The following PCDHGA2 variants were observed in gnomAD, a reference collection of about 807,000 sequenced individuals.
The protein encoded by PCDHGA2 is protocadherin gamma-A2.
In PCDHGA2, 40 loss-of-function variants were observed where a neutral mutation model predicts 59.2. The ratio of observed to expected loss-of-function variants is 0.68; its 90% CI spans 0.52 to 0.88. The LOEUF is 0.88. PCDHGA2 is among the 40% of genes least tolerant of loss of function. The pLI is 0.00. For synonymous variants in PCDHGA2, 560 were observed against 526.0 expected, an observed-to-expected ratio of 1.06 and a Z score of -0.89; for missense variants, 1,226 against 1,204.0, an observed-to-expected ratio of 1.02 and a Z score of -0.27.
intron 1 of PCDHGA2, chr5:141,374,852 G>A (rs1770895051): frequency 5.0e-6 from 8 of 1,613,798 alleles, no homozygotes; most frequent in Non-Finnish European, 4.2e-6. Flanking sequence ...AAACCTGCCA[G>A]TAGGCACACC....
At chr5:141,366,768 G>A (rs903318821) in intron 1 of PCDHGA2, 26 of 1,601,610 alleles carry the variant, frequency 1.6e-5, no homozygotes, top group Non-Finnish European at 2.0e-5. Flanking sequence ...TTTCTCTTTC[G>A]GTAAGGATGA....
rs150714552 is a variant in PCDHGA2, at chr5:141,473,285, G to A, written c.2425-21522G>A. On this transcript the variant is annotated intron_variant, in intron 1 of 3. Transcript: ENST00000394576. ...GTGTATGCTATGATTATTTTACTATGTCAGTAGCATAAAGATTGCTATATT... is the reference window on the plus strand; with the variant it reads ...GTGTATGCTATGATTATTTTACTATATCAGTAGCATAAAGATTGCTATATT... 3.9e-3 allele frequency among the ~76,000 whole-genome samples: 590 copies of A among 152,296 alleles called. 6 individuals are homozygous for A. Among genetic ancestry groups the A allele is most frequent in the Admixed American group, 0.011 (170 of 15,296 alleles).
intron 1 of PCDHGA2, chr5:141,389,880 T>C: frequency 6.2e-7 from 1 of 1,614,080 alleles, no homozygotes; most frequent in Non-Finnish European, 8.5e-7. Flanking sequence ...CGCCGACAGC[T>C]TGCAGGAGGT....
At chr5:141,360,594 A>G in intron 1 of PCDHGA2, 1 of 1,614,032 alleles carries the variant, frequency 6.2e-7, no homozygotes, top group Non-Finnish European at 8.5e-7. Context: ...CAACATTTCC[A>G]CTTGACCCAG....
chr5:141,461,988 T>A (rs771762127), intron 1 of PCDHGA2, among the ~76,000 whole-genome samples: 1 of 152,170 alleles, frequency 6.6e-6, no homozygotes, highest in Non-Finnish European at 1.5e-5. Flanking sequence ...CACGCCAGGC[T>A]AATTTTGTAT....
Position 141,339,494 on chromosome 5 carries a change from A to G in PCDHGA2, c.523A>G (p.Asn175Asp). Residue 175 changes from asparagine (N) to aspartate (D), a missense_variant, in exon 1 of 4, where the codon AAT (asparagine) becomes GAT (aspartate). Coordinates refer to ENST00000394576, the MANE Select transcript of PCDHGA2 (RefSeq NM_018915.4). ...NALQKYALNP[N>D]DHFSLDVRRG... ...CCTTCAGAAGTACGCACTCAACCCAAATGACCACTTCTCCCTGGACGTGCG... is the reference window on the plus strand; with the variant it reads ...CCTTCAGAAGTACGCACTCAACCCAGATGACCACTTCTCCCTGGACGTGCG... 6.2e-7 allele frequency: 1 copy of G among 1,614,110 alleles called. No homozygotes were observed. The highest frequency in any genetic ancestry group is 8.5e-7 in the Non-Finnish European group (1 of 1,180,010).
chr5:141,419,824 AGCCACTGCCACGCT>A, intron 1 of PCDHGA2: 1 of 1,614,038 alleles, frequency 6.2e-7, no homozygotes, highest in South Asian at 1.1e-5. Context: ...CACCCCTTTC[AGCCACTGCCACGCT>A]GCACCTGGTG....
chr5:141,384,201 G>C (rs369190060), intron 1 of PCDHGA2: 30 of 1,613,802 alleles, frequency 1.9e-5, no homozygotes, highest in Non-Finnish European at 2.5e-5. Flanking sequence ...CCTTGTCCAG[G>C]GAAACTCACA....
intron 1 of PCDHGA2, chr5:141,415,641 TA>T (rs113784532): frequency 0.022 from 22,367 of 1,034,442 alleles, 38 homozygotes; most frequent in Admixed American, 0.045. Context: ...TTACTTTTGT[TA>T]AAAAAAAAAA....
chr5:141,402,854 C>A, intron 1 of PCDHGA2: 2 of 1,423,530 alleles, frequency 1.4e-6, no homozygotes, highest in Non-Finnish European at 1.8e-6. Flanking sequence ...CCTCTTTCTT[C>A]TAAGGAAAAG....
intron 1 of PCDHGA2, among the ~76,000 whole-genome samples, chr5:141,349,390 A>G (rs893933171): frequency 6.6e-6 from 1 of 152,168 alleles, no homozygotes; most frequent in Non-Finnish European, 1.5e-5. Flanking sequence ...CATTCATATA[A>G]AAAAGAAGCA....
chr5:141,339,441 CG>C lies in PCDHGA2; in HGVS notation c.471del (p.His158MetfsTer5). The C allele has an allele frequency of 1.2e-6, 2 of 1,614,194 alleles. No homozygotes were observed. The highest frequency in any genetic ancestry group is 1.7e-6 in the Non-Finnish European group (2 of 1,180,038). On this transcript the variant is annotated frameshift_variant, in exon 1 of 4. Transcript: ENST00000394576. LOFTEE classifies it high-confidence loss of function. ...TPGFRIPLKN[A>X]HDADVGENAL... Reference sequence around the variant, plus strand: ...GGATTCCGGATTCCTCTTAAGAATGCGCATGATGCAGACGTAGGTGAGAACG... The same window carrying C: ...GGATTCCGGATTCCTCTTAAGAATGCCATGATGCAGACGTAGGTGAGAACG...
At chr5:141,417,030 T>G (rs1460954160) in intron 1 of PCDHGA2, 1 of 86,454 alleles carries the variant, frequency 1.2e-5, no homozygotes, top group East Asian at 2.9e-4. Flanking sequence ...AAATACAGGT[T>G]TTTTTTTTAA....
intron 1 of PCDHGA2, chr5:141,344,375 G>A (rs1397752889): frequency 3.1e-6 from 5 of 1,613,162 alleles, no homozygotes; most frequent in Non-Finnish European, 4.2e-6. Context: ...AGGATAAATT[G>A]AAAATTTTTG....
At chr5:141,510,589 A>G (rs1043188276) in intron 3 of PCDHGA2, among the ~76,000 whole-genome samples, 2 of 152,194 alleles carry the variant, frequency 1.3e-5, no homozygotes, top group African/African-American at 2.4e-5. Context: ...CGTACCTGAC[A>G]TACATTTTCT....
At chr5:141,389,910 C>A in intron 1 of PCDHGA2, 3 of 1,614,080 alleles carry the variant, frequency 1.9e-6, no homozygotes, top group Non-Finnish European at 2.5e-6. Flanking sequence ...TATCACTGAC[C>A]GCCCCGACCC....
In PCDHGA2 at chr5:141,339,429, C is replaced by T. The variant is rs142803333; in HGVS notation, c.458C>T (p.Pro153Leu). The T allele has an allele frequency of 5.6e-6, 9 of 1,614,096 alleles. No homozygotes were observed. The African/African-American group carries it at 6.7e-5, about 12-fold the overall frequency. Residue 153 changes from proline to leucine, a missense_variant, in exon 1 of 4, where the codon CCT (proline) becomes CTT (leucine). Physicochemically the swap from Pro to Leu is moderately conservative, Grantham distance 98 (BLOSUM62 -3). Coordinates refer to ENST00000394576, the MANE Select transcript of PCDHGA2 (RefSeq NM_018915.4). ...ACCACTACGCCAGGATTCCGGATTC[C>T]TCTTAAGAATGCGCATGATGCAGAC... ...SETTTPGFRIPLKNAHDADVG... is the reference protein window; with the variant it reads ...SETTTPGFRILLKNAHDADVG...
intron 1 of PCDHGA2, chr5:141,354,966 C>T: frequency 2.0e-6 from 1 of 512,280 alleles, no homozygotes; most frequent in Non-Finnish European, 3.3e-6. Flanking sequence ...CAGGTTAAGA[C>T]TCTGGGTGTC....
intron 1 of PCDHGA2, chr5:141,393,111 C>T (rs762190466): frequency 1.2e-6 from 2 of 1,613,380 alleles, no homozygotes; most frequent in African/African-American, 2.7e-5. Context: ...CGCTCAGAGC[C>T]CGCGGTGTCT....
Sources: allele counts gnomAD v4.1 joint callset (sites outside exome capture counted in the v4.1 genomes callset), GRCh38; gene constraint gnomAD v4.1.1; transcripts MANE v1.5; gene names NCBI Gene and HGNC (gene_info 2026-07-23, HGNC 2026-07-21).